The following SAA2 variants were observed in gnomAD, a reference collection of about 807,000 sequenced individuals.
The protein encoded by SAA2 is serum amyloid A2, also known as serum amyloid A-2 protein.
In SAA2, 5 loss-of-function variants were observed where a neutral mutation model predicts 9.1. That is an observed-to-expected ratio of 0.55 (90% CI 0.29 to 1.16). The LOEUF (loss-of-function observed/expected upper bound fraction) is 1.16, where lower values mean the gene tolerates loss of function less well. Ranked by LOEUF, SAA2 falls within the 50% of genes most tolerant of loss-of-function variation. The pLI, the probability that SAA2 is intolerant of heterozygous loss-of-function variation, is 0.09. For missense variants in SAA2, 94 were observed against 153.8 expected (o/e 0.61, Z 2.06); for synonymous variants, 49 against 59.8 (o/e 0.82, Z 0.83).
chr11:18,243,140 T>G (rs886147576), downstream of SAA2, among the ~76,000 whole-genome samples: 3 of 152,194 alleles, frequency 2.0e-5, no homozygotes, highest in African/African-American at 7.2e-5. Context: ...GAATTAAATT[T>G]TTTTTCAAAT....
chr11:18,241,302 C>G (rs941002985), downstream of SAA2, among the ~76,000 whole-genome samples: 2 of 152,176 alleles, frequency 1.3e-5, no homozygotes, highest in Non-Finnish European at 2.9e-5. Flanking sequence ...TCAATTAGTA[C>G]AGCCTCTGTG....
At chr11:18,243,241 G>C (rs1857399958), downstream of SAA2, among the ~76,000 whole-genome samples, 1 of 152,004 alleles carries the variant, frequency 6.6e-6, no homozygotes, top group East Asian at 1.9e-4. Context: ...ATTATTTCTA[G>C]TAATAATATG....
At chr11:18,240,803 A>T (rs11024577), downstream of SAA2, among the ~76,000 whole-genome samples, 2 of 151,972 alleles carry the variant, frequency 1.3e-5, no homozygotes, top group Admixed American at 1.3e-4. Flanking sequence ...CCAAACATTG[A>T]CCTAGTCAAA....
intron 3 of SAA2, chr11:18,240,073 C>T (rs774384622): frequency 1.3e-4 from 190 of 1,441,658 alleles, no homozygotes; most frequent in Non-Finnish European, 1.6e-4. Flanking sequence ...AATGGGGTAC[C>T]GGTGATTATA....
Position 18,245,349 on chromosome 11 carries a change from T to C in SAA2, c.*28A>G. The C allele has an allele frequency of 6.2e-7, 1 of 1,613,348 alleles. No individual in the cohort carries two copies. Among genetic ancestry groups the C allele is most frequent in the South Asian group, 1.1e-5 (1 of 91,040 alleles). Reference sequence around the variant, plus strand: ...CTGCCCCGAGGGCCTCATAGCCAGGTCTCCTGAGAGCAGAGTGAAGAGGAA... The same window carrying C: ...CTGCCCCGAGGGCCTCATAGCCAGGCCTCCTGAGAGCAGAGTGAAGAGGAA... On this transcript the variant is annotated 3_prime_UTR_variant, in exon 4 of 4. Transcript: ENST00000256733.
Position 18,245,263 on chromosome 11 carries a change from G to T in SAA2, c.*114C>A. The T allele has an allele frequency of 6.6e-7, 1 of 1,520,368 alleles. No homozygotes were observed. The highest frequency in any genetic ancestry group is 8.8e-7 in the Non-Finnish European group (1 of 1,133,920). The allele number at this position is 1,520,368 out of a possible 1,614,324, so 94.2% of individuals were successfully genotyped here. On this transcript the variant is annotated 3_prime_UTR_variant, in exon 4 of 4. Coordinates refer to ENST00000256733, the MANE Select transcript of SAA2 (RefSeq NM_030754.5). Reference sequence around the variant, plus strand: ...AATTCCACCTCTTAAGCATTTATTAGATGCCTATTATATGCCATATCTCAG... The same window carrying T: ...AATTCCACCTCTTAAGCATTTATTATATGCCTATTATATGCCATATCTCAG...
At chr11:18,239,923 G>T in exon 4 of SAA2, 1 of 1,548,378 alleles carries the variant, frequency 6.5e-7, no homozygotes, top group Non-Finnish European at 8.7e-7. Flanking sequence ...TAGGAGTGAA[G>T]AAAAAAGGCT....
chr11:18,240,132 T>C (rs879199465), intron 3 of SAA2: 4 of 962,450 alleles, frequency 4.2e-6, no homozygotes, highest in Admixed American at 4.3e-5. Context: ...CACAAATTTT[T>C]TGAAGTCATA....
Position 18,248,017 on chromosome 11 carries a change from T to C in SAA2, c.-4-2A>G. On this transcript the variant is annotated splice_acceptor_variant, in intron 1 of 3. Coordinates refer to ENST00000256733, the MANE Select transcript of SAA2 (RefSeq NM_030754.5). LOFTEE classifies it low-confidence loss of function (5UTR_SPLICE). ...AGGCCCGTGAGAAGCTTCATGGTGC[T>C]GAAATGAAAGGAGAAGTCAGGCAGT... 6.2e-7 allele frequency: 1 copy of C among 1,612,696 alleles called. No homozygotes were observed. The highest frequency in any genetic ancestry group is 2.2e-5 in the East Asian group (1 of 44,814).
At chr11:18,247,205 G>T (rs1452545046) in intron 2 of SAA2, among the ~76,000 whole-genome samples, 2 of 152,152 alleles carry the variant, frequency 1.3e-5, no homozygotes, top group African/African-American at 2.4e-5. Flanking sequence ...AGGCACGTTA[G>T]TTCCCAGCTC....
downstream of SAA2, chr11:18,242,850 T>C (rs1231182987): frequency 1.4e-6 from 1 of 700,658 alleles, no homozygotes; most frequent in Non-Finnish European, 2.6e-6. Flanking sequence ...CTGTCTCAAA[T>C]AACGAAACAA....
chr11:18,241,467 C>A (rs1857344027), downstream of SAA2, among the ~76,000 whole-genome samples: 1 of 151,780 alleles, frequency 6.6e-6, no homozygotes, highest in Middle Eastern at 3.2e-3. Context: ...TTCACAGTAG[C>A]AAAAATATGG....
chr11:18,239,931 G>T lies in SAA2; in HGVS notation c.*17C>A, dbSNP rs77194104. 3.8e-3 allele frequency: 5,866 copies of T among 1,549,318 alleles called. 190 individuals carry two copies. In the African/African-American group the frequency reaches 0.072, roughly 19 times the overall value. On this transcript the variant is annotated 3_prime_UTR_variant, in exon 4 of 4. Transcript: ENST00000414546. Reference sequence around the variant, plus strand: ...GGTCATGTAGGAGTGAAGAAAAAAGGCTTCTTCCTTCACTCTCTACAGTTC... The same window carrying T: ...GGTCATGTAGGAGTGAAGAAAAAAGTCTTCTTCCTTCACTCTCTACAGTTC...
intron 3 of SAA2, 87 bp from the exon 4 acceptor site, chr11:18,245,602 G>C: frequency 1.3e-6 from 2 of 1,540,532 alleles, no homozygotes; most frequent in African/African-American, 1.4e-5. Context: ...CCAAGGGAGG[G>C]CTCAGAGAGG....
At chr11:18,244,716 A>T (rs1279622042), downstream of SAA2, among the ~76,000 whole-genome samples, 2 of 152,222 alleles carry the variant, frequency 1.3e-5, no homozygotes, top group African/African-American at 4.8e-5. Context: ...GAAAACATTC[A>T]TAAAAGGAGT....
chr11:18,245,578 C>T (rs1857485548), intron 3 of SAA2, 63 bp from the exon 4 acceptor site: 4 of 1,591,968 alleles, frequency 2.5e-6, no homozygotes, highest in Non-Finnish European at 3.4e-6. Flanking sequence ...GCTCACCCTC[C>T]CATTCTCCCC....
In SAA2 at chr11:18,245,531, G is replaced by A; in HGVS notation, c.231-16C>T. The A allele has an allele frequency of 6.2e-7, 1 of 1,613,682 alleles. No homozygotes were observed. Among genetic ancestry groups the A allele is most frequent in the Non-Finnish European group, 8.5e-7 (1 of 1,179,632 alleles). The stretch of plus-strand genomic sequence containing the variant: ...TCTGGCATTGCTGTAGTCCAGGCAG[G>A]CAAGAAGGAGATTAATCATCAGGCC... On this transcript the variant is annotated splice_polypyrimidine_tract_variant and intron_variant, in intron 3 of 3. Transcript: ENST00000256733.
downstream of SAA2, among the ~76,000 whole-genome samples, chr11:18,243,816 T>C (rs999488433): frequency 5.9e-5 from 9 of 152,152 alleles, no homozygotes; most frequent in Non-Finnish European, 2.9e-5. Context: ...AGAAAAGGGG[T>C]ATGCCAGTTA....
chr11:18,245,284 C>T lies in SAA2; in HGVS notation c.*93G>A. On this transcript the variant is annotated 3_prime_UTR_variant, in exon 4 of 4. Coordinates refer to ENST00000256733, the MANE Select transcript of SAA2 (RefSeq NM_030754.5). ...ATTAGATGCCTATTATATGCCATAT[C>T]TCAGCTTCTCTGGACATAGACCTCA... The T allele has an allele frequency of 1.9e-6, 3 of 1,564,032 alleles. No individual in the cohort carries two copies. The highest frequency in any genetic ancestry group is 3.7e-5 in the Admixed American group (2 of 54,128).
Sources: gnomAD v4.1 joint callset for allele counts (sites outside exome capture counted in the v4.1 genomes callset) on GRCh38, gnomAD v4.1.1 for gene constraint, MANE v1.5 for transcripts, NCBI Gene and HGNC (gene_info 2026-07-23, HGNC 2026-07-21) for gene names.